Variants in GJA5 observed in about 807,000 individuals in gnomAD.
GJA5 encodes gap junction protein alpha 5, also known as gap junction alpha-5 protein.
In GJA5, 3 loss-of-function variants were observed where a neutral mutation model predicts 7.9. The observed-to-expected ratio is 0.38, with a 90% CI of 0.17 to 0.99. The LOEUF is 0.99. Ranked by LOEUF, GJA5 falls within the 50% of genes least tolerant of loss-of-function variation. The pLI, the probability that GJA5 is intolerant of heterozygous loss-of-function variation, is 0.38. For synonymous variants in GJA5, 193 were observed against 181.0 expected (o/e 1.07, Z -0.53); for missense variants, 390 against 457.9 (o/e 0.85, Z 1.35).
At chr1:147,761,923 G>A (rs148183683), upstream of GJA5, among the ~76,000 whole-genome samples, 195 of 152,328 alleles carry the variant, frequency 1.3e-3, no homozygotes, top group African/African-American at 4.5e-3. Context: ...AAAGACAGAT[G>A]CAGGAGTTAG....
chr1:147,761,257 G>T (rs1663998678), upstream of GJA5, among the ~76,000 whole-genome samples: 1 of 152,086 alleles, frequency 6.6e-6, no homozygotes, highest in South Asian at 2.1e-4. Flanking sequence ...CTCAGATTTG[G>T]GTGGGTCCTT....
At chr1:147,768,597 A>G (rs1191932485) in intron 1 of GJA5, among the ~76,000 whole-genome samples, 1 of 152,234 alleles carries the variant, frequency 6.6e-6, no homozygotes, top group Non-Finnish European at 1.5e-5. Context: ...GTAGAGCTGA[A>G]CGGAATGTAG....
chr1:147,758,576 A>G lies in GJA5; in HGVS notation c.663T>C (p.Leu221=). Residue 221 remains leucine, a synonymous_variant, in exon 2 of 2, where the codon CTT becomes CTC. Coordinates refer to ENST00000579774, the MANE Select transcript of GJA5 (RefSeq NM_181703.4). ...CCAGGTGGTAGAGTTCAGCCAGGCT[A>G]AGGAGGAGGGACAGTGCAGCCACAG... ...MLAVAALSLL[L]SLAELYHLGW... 4 of 1,613,718 alleles carry G rather than the reference A, an allele frequency of 2.5e-6. No individual in the cohort carries two copies. Among genetic ancestry groups the G allele is most frequent in the Non-Finnish European group, 3.4e-6 (4 of 1,179,694 alleles).
chr1:147,768,964 A>G (rs1208987504), intron 1 of GJA5, among the ~76,000 whole-genome samples: 1 of 152,128 alleles, frequency 6.6e-6, no homozygotes, highest in African/African-American at 2.4e-5. Flanking sequence ...CGTGCCCAGA[A>G]CTCCAGTCTC....
At position 147,757,687 on chromosome 1, in the gene GJA5, A is replaced by G. The variant is rs781961770; in HGVS notation, c.*475T>C. 1.6e-5 allele frequency: 3 copies of G among 188,398 alleles called. No individual in the cohort carries two copies. Among genetic ancestry groups the G allele is most frequent in the Admixed American group, 5.3e-5 (1 of 18,856 alleles). 11.7% of individuals were successfully genotyped at this position (188,398 alleles called of 1,614,324 possible). A position where few individuals can be genotyped will look rare whatever the true frequency, so the allele number is the denominator to read the frequency against. ...GGTCCATGGAGACAACAGATTCAAG[A>G]GCACATATAATGCAAGTTCCTTGAT... On this transcript the variant is annotated 3_prime_UTR_variant, in exon 2 of 2. Coordinates refer to ENST00000579774, the MANE Select transcript of GJA5 (RefSeq NM_181703.4).
chr1:147,766,010 A>G (rs150158747), intron 1 of GJA5, among the ~76,000 whole-genome samples: 77 of 152,216 alleles, frequency 5.1e-4, no homozygotes, highest in African/African-American at 1.8e-3. Context: ...TCTTGATTCC[A>G]GTTCTGTCCT....
chr1:147,762,662 C>T (rs1361878539), upstream of GJA5, among the ~76,000 whole-genome samples: 2 of 152,192 alleles, frequency 1.3e-5, no homozygotes, highest in Non-Finnish European at 2.9e-5. Context: ...TCATGTATGA[C>T]TTCCTGCTGA....
Position 147,757,516 on chromosome 1 carries a change from TACCAGGGCATTTGCCAGAGGTAC to T in GJA5, c.*623_*645del, listed in dbSNP as rs1663785120. ...AGGTGGGGCATTTGCCAGAGGTACA[TACCAGGGCATTTGCCAGAGGTAC>T]ATACCAAGGCATTTGTAAAGCTGAG... On this transcript the variant is annotated 3_prime_UTR_variant, in exon 2 of 2. Transcript: ENST00000579774. 4.7e-5 allele frequency: 2 copies of T among 42,236 alleles called. No individual in the cohort carries two copies. Among genetic ancestry groups the T allele is most frequent in the Admixed American group, 2.7e-4 (1 of 3,724 alleles). The allele number at this position is 42,236 out of a possible 1,614,324, so 2.6% of individuals were successfully genotyped here. A position where few individuals can be genotyped will look rare whatever the true frequency, so the allele number is the denominator to read the frequency against.
At chr1:147,773,063 T>C (rs1332305026) in intron 1 of GJA5, among the ~76,000 whole-genome samples, 1 of 152,176 alleles carries the variant, frequency 6.6e-6, no homozygotes, top group African/African-American at 2.4e-5. Context: ...ATCTGCTGCT[T>C]CGCTAAACCT....
chr1:147,766,465 C>T (rs587624436), intron 1 of GJA5, among the ~76,000 whole-genome samples: 1 of 152,252 alleles, frequency 6.6e-6, no homozygotes, highest in South Asian at 2.1e-4. Context: ...GTGGAGGGGC[C>T]TGCCTGGGAA....
chr1:147,771,665 C>T (rs983853892), intron 1 of GJA5, among the ~76,000 whole-genome samples: 16 of 152,336 alleles, frequency 1.1e-4, no homozygotes, highest in African/African-American at 3.6e-4. Context: ...TCTGTGACTG[C>T]TGTGGCTCTG....
intron 1 of GJA5, among the ~76,000 whole-genome samples, chr1:147,765,987 A>C (rs2148963045): frequency 6.6e-6 from 1 of 152,208 alleles, no homozygotes; most frequent in South Asian, 2.1e-4. Flanking sequence ...TGCCTTGAAA[A>C]TTCTCTTCTT....
At chr1:147,759,672 C>T (rs1553227175) in intron 1 of GJA5, among the ~76,000 whole-genome samples, 1 of 152,120 alleles carries the variant, frequency 6.6e-6, no homozygotes, top group Non-Finnish European at 1.5e-5. Context: ...TGGAGAAACA[C>T]GAGTATTAAA....
chr1:147,772,615 G>A (rs1288650363), intron 1 of GJA5, among the ~76,000 whole-genome samples: 2 of 152,126 alleles, frequency 1.3e-5, no homozygotes, highest in South Asian at 2.1e-4. Context: ...AAGTGGAAAG[G>A]AGACCTTCAG....
chr1:147,758,684 G>A lies in GJA5; in HGVS notation c.555C>T (p.Cys185=), dbSNP rs782204022. The A allele has an allele frequency of 1.2e-6, 2 of 1,614,190 alleles. No individual in the cohort carries two copies. Among genetic ancestry groups the A allele is most frequent in the Non-Finnish European group, 1.7e-6 (2 of 1,180,014 alleles). Residue 185 remains cysteine, a synonymous_variant, in exon 2 of 2, where the codon TGC becomes TGT. Transcript: ENST00000579774. The part of the protein sequence containing the change: ...YGIFLTTLHV[C]RRSPCPHPVN... ...CCGGGTGGGGACAGGGACTCCTGCG[G>A]CAGACATGCAGGGTGGTCAGGAAGA...
At chr1:147,765,408 C>A (rs1432124330), upstream of GJA5, among the ~76,000 whole-genome samples, 1 of 152,202 alleles carries the variant, frequency 6.6e-6, no homozygotes, top group African/African-American at 2.4e-5. Context: ...CAGAAAGTTT[C>A]ATTCCATCTC....
chr1:147,758,735 A>C lies in GJA5; in HGVS notation c.504T>G (p.Ile168Met). 6.2e-7 allele frequency: 1 copy of C among 1,614,202 alleles called. No individual in the cohort carries two copies. Among genetic ancestry groups the C allele is most frequent in the Non-Finnish European group, 8.5e-7 (1 of 1,180,026 alleles). Residue 168 changes from isoleucine (I) to methionine (M), a missense_variant, in exon 2 of 2, where the codon ATT (isoleucine) becomes ATG (methionine). Physicochemically the swap from Ile to Met is conservative, Grantham distance 10. Transcript: ENST00000579774. ...LIRTTMEVGF[I>M]VGQYFIYGIF... ...TTCCGTAGATGAAGTACTGGCCCAC[A>C]ATGAAGCCCACCTCCATGGTGGTGC...
upstream of GJA5, among the ~76,000 whole-genome samples, chr1:147,763,309 G>A (rs971675141): frequency 2.6e-5 from 4 of 152,218 alleles, no homozygotes; most frequent in Admixed American, 1.3e-4. Context: ...TTCACTGAGT[G>A]TAACTGCCTT....
chr1:147,771,461 TCTC>T (rs1664400662), intron 1 of GJA5, among the ~76,000 whole-genome samples: 1 of 152,144 alleles, frequency 6.6e-6, no homozygotes, highest in Non-Finnish European at 1.5e-5. Flanking sequence ...TAGTCCTTGT[TCTC>T]CTTATTTGCC....
Sources: gnomAD v4.1 joint callset for allele counts (sites outside exome capture counted in the v4.1 genomes callset) on GRCh38, gnomAD v4.1.1 for gene constraint, MANE v1.5 for transcripts, NCBI Gene and HGNC (gene_info 2026-07-23, HGNC 2026-07-21) for gene names.